The following PAXBP1 variants were observed in gnomAD, a reference collection of about 807,000 sequenced individuals.
PAXBP1 encodes PAX3- and PAX7-binding protein 1.
PAXBP1 carries 44 observed loss-of-function variants against 119.9 expected under a neutral mutation model. The observed-to-expected ratio is 0.37, with a 90% CI of 0.29 to 0.47. The LOEUF (loss-of-function observed/expected upper bound fraction) is 0.47, where lower values mean the gene tolerates loss of function less well. Ranked by LOEUF, PAXBP1 falls within the 20% of genes least tolerant of loss-of-function variation. The pLI, the probability that PAXBP1 is intolerant of heterozygous loss-of-function variation, is 0.99. For missense variants in PAXBP1, 898 were observed against 1,134.1 expected (o/e 0.79, Z 2.99); for synonymous variants, 393 against 406.6 (o/e 0.97, Z 0.40).
Position 32,734,504 on chromosome 21 carries a change from C to A in PAXBP1, c.*446G>T, listed in dbSNP as rs2043664891. ...TAGTCACTTGCCAGCCCTTTTGTTACAACAGTGTAGTAATTTCCCTAAGAC... is the reference window on the plus strand; with the variant it reads ...TAGTCACTTGCCAGCCCTTTTGTTAAAACAGTGTAGTAATTTCCCTAAGAC... On this transcript the variant is annotated 3_prime_UTR_variant, in exon 18 of 18. Coordinates refer to ENST00000331923, the MANE Select transcript of PAXBP1 (RefSeq NM_016631.4). 5.7e-6 allele frequency: 1 copy of A among 175,266 alleles called. No individual in the cohort carries two copies. The highest frequency in any genetic ancestry group is 2.4e-5 in the African/African-American group (1 of 41,570). 10.9% of individuals were successfully genotyped at this position (175,266 alleles called of 1,614,324 possible).
chr21:32,747,431 GAC>G (rs2146482561), intron 11 of PAXBP1, among the ~76,000 whole-genome samples: 1 of 152,218 alleles, frequency 6.6e-6, no homozygotes, highest in South Asian at 2.1e-4. Context: ...AGGAGTGGGG[GAC>G]ACAGAAAAAT....
intron 4 of PAXBP1, 29 bp downstream of exon 4, chr21:32,762,067 A>G (rs1179609151): frequency 1.2e-6 from 2 of 1,612,280 alleles, no homozygotes; most frequent in Non-Finnish European, 1.7e-6. Context: ...GCAATGCAAT[A>G]GGCTTACTAT....
chr21:32,760,270 G>GA (rs2044117722), intron 5 of PAXBP1, among the ~76,000 whole-genome samples: 1 of 152,148 alleles, frequency 6.6e-6, no homozygotes, highest in African/African-American at 2.4e-5. Context: ...TTTGATCAAT[G>GA]AAAGAGGATA....
At position 32,735,529 on chromosome 21, in the gene PAXBP1, T is replaced by C. The variant is rs1054190390; in HGVS notation, c.2637-462A>G. 6.8e-4 allele frequency among the ~76,000 whole-genome samples: 103 copies of C among 152,210 alleles called. 1 individual carries two copies. Among genetic ancestry groups the C allele is most frequent in the Non-Finnish European group, 1.3e-4 (9 of 68,032 alleles). On this transcript the variant is annotated intron_variant, in intron 17 of 17. Transcript: ENST00000331923. ...TAATTTCCACTCCACCAAAATTCACTAAATAAAGTATAATCTGACTTTCCT... is the reference window on the plus strand; with the variant it reads ...TAATTTCCACTCCACCAAAATTCACCAAATAAAGTATAATCTGACTTTCCT...
intron 2 of PAXBP1, among the ~76,000 whole-genome samples, chr21:32,769,379 A>G (rs1354284264): frequency 2.0e-5 from 3 of 152,120 alleles, no homozygotes; most frequent in African/African-American, 7.2e-5. Context: ...CTAATATTAA[A>G]TTTAGGGCAT....
At chr21:32,771,212 A>C in intron 1 of PAXBP1, 114 bp downstream of exon 1, 1 of 1,000,418 alleles carries the variant, frequency 1.0e-6, no homozygotes, top group Non-Finnish European at 1.4e-6. Flanking sequence ...GTCGGACGGC[A>C]GGGGACTCCG....
chr21:32,744,655 G>T (rs2043845716), intron 13 of PAXBP1, 137 bp downstream of exon 13: 3 of 860,506 alleles, frequency 3.5e-6, no homozygotes, highest in Non-Finnish European at 1.7e-6. Context: ...TGTATTTCAG[G>T]CTTTAATGGC....
chr21:32,741,217 T>C (rs895529924), intron 15 of PAXBP1, among the ~76,000 whole-genome samples: 11 of 152,166 alleles, frequency 7.2e-5, no homozygotes, highest in South Asian at 4.1e-4. Flanking sequence ...AGAACACCCT[T>C]ATAGAAGCTC....
intron 5 of PAXBP1, 93 bp from the exon 6 acceptor site, chr21:32,760,087 T>C (rs1197350038): frequency 1.0e-6 from 1 of 972,058 alleles, no homozygotes; most frequent in Non-Finnish European, 1.5e-6. Context: ...CAGCAAAAAT[T>C]ATACCTATTT....
intron 11 of PAXBP1, among the ~76,000 whole-genome samples, chr21:32,746,484 C>G (rs1375224585): frequency 6.6e-6 from 1 of 152,006 alleles, no homozygotes; most frequent in African/African-American, 2.4e-5. Flanking sequence ...ATTCATGTAG[C>G]CAACAAACAT....
intron 15 of PAXBP1, among the ~76,000 whole-genome samples, chr21:32,739,592 C>T (rs2043744236): frequency 6.6e-6 from 1 of 152,130 alleles, no homozygotes; most frequent in Non-Finnish European, 1.5e-5. Flanking sequence ...ACAGAGTAAT[C>T]TTAAAAATGG....
rs916747644 is a variant in PAXBP1, at chr21:32,771,569, G to C, written c.100C>G (p.Pro34Ala). The change falls in exon 1 of 18, where the codon CCG (proline) becomes GCG (alanine). Residue 34 changes from proline to alanine, a missense_variant. Pro to Ala is a conservative substitution (Grantham distance 27). Coordinates refer to ENST00000331923, the MANE Select transcript of PAXBP1 (RefSeq NM_016631.4). ...GCCTCTTCGCCCGTGCCCGGCGGCG[G>C]CAACAACGGCGGCGGCTCCTGCTCC... ...DEEQEPPPLLPPPGTGEEAGP... is the reference protein window; with the variant it reads ...DEEQEPPPLLAPPGTGEEAGP... 18 of 1,429,662 alleles carry C rather than the reference G, an allele frequency of 1.3e-5. No individual in the cohort carries two copies. The highest frequency in any genetic ancestry group is 1.6e-5 in the Non-Finnish European group (17 of 1,095,442). The allele number at this position is 1,429,662 out of a possible 1,614,324, so 88.6% of individuals were successfully genotyped here.
intron 15 of PAXBP1, among the ~76,000 whole-genome samples, chr21:32,742,090 G>A (rs1601585777): frequency 6.6e-6 from 1 of 152,120 alleles, no homozygotes; most frequent in East Asian, 1.9e-4. Context: ...GGCTTGTGGT[G>A]ACCTTGACTA....
intron 7 of PAXBP1, chr21:32,756,151 C>T (rs866015859): frequency 7.7e-5 from 27 of 349,036 alleles, no homozygotes; most frequent in Middle Eastern, 6.2e-4. Flanking sequence ...TACAAAAGAA[C>T]ATGAGAGCTA....
intron 5 of PAXBP1, among the ~76,000 whole-genome samples, chr21:32,760,760 G>A (rs890403895): frequency 3.9e-5 from 6 of 152,078 alleles, no homozygotes; most frequent in African/African-American, 1.2e-4. Context: ...ATGAGCTACC[G>A]GGTAATGCTA....
chr21:32,762,317 C>T lies in PAXBP1; in HGVS notation c.650G>A (p.Gly217Glu). ...ALSSLNVLRP[G>E]EIPDAAFIHA... ...TATAAAAGCTGCATCTGGAATTTCT[C>T]CTAGAAACAAATGGTAAGAATATGG... Residue 217 changes from glycine to glutamate, a missense_variant and splice_region_variant, in exon 4 of 18, where the codon GGA becomes GAA. Physicochemically the swap from Gly to Glu is moderately conservative, Grantham distance 98. Coordinates refer to ENST00000331923, the MANE Select transcript of PAXBP1 (RefSeq NM_016631.4). The T allele has an allele frequency of 6.2e-7, 1 of 1,612,412 alleles. No individual in the cohort carries two copies. Among genetic ancestry groups the T allele is most frequent in the Non-Finnish European group, 8.5e-7 (1 of 1,179,080 alleles).
At chr21:32,751,291 GC>G in intron 8 of PAXBP1, 73 bp from the exon 9 acceptor site, 1 of 1,402,972 alleles carries the variant, frequency 7.1e-7, no homozygotes. Flanking sequence ...CACAGAATAA[GC>G]CATTACGACA....
intron 1 of PAXBP1, among the ~76,000 whole-genome samples, chr21:32,770,229 A>C (rs2044313335): frequency 1.3e-5 from 2 of 152,208 alleles, no homozygotes; most frequent in South Asian, 4.1e-4. Context: ...GAGAGGGGAA[A>C]AAATCATTCA....
At chr21:32,756,607 AT>A (rs201548004) in intron 7 of PAXBP1, 159 of 250,740 alleles carry the variant, frequency 6.3e-4, no homozygotes, top group Middle Eastern at 4.5e-3. Flanking sequence ...TTATAATCTG[AT>A]TTTTTTTTAG....
Sources: allele counts gnomAD v4.1 joint callset (sites outside exome capture counted in the v4.1 genomes callset), GRCh38; gene constraint gnomAD v4.1.1; transcripts MANE v1.5; gene names NCBI Gene and HGNC (gene_info 2026-07-23, HGNC 2026-07-21).